Variants in RAP1GAP2 observed in about 807,000 individuals in gnomAD.
RAP1GAP2 encodes the protein rap1 GTPase-activating protein 2.
RAP1GAP2 carries 27 observed loss-of-function variants against 95.0 expected under a neutral mutation model. That is an observed-to-expected ratio of 0.28 (90% CI 0.21 to 0.39). RAP1GAP2 has a LOEUF of 0.39. Among genes scored for constraint, RAP1GAP2 ranks in the 10% least tolerant of loss-of-function variants. The probability of loss-of-function intolerance (pLI) is 1.00; values close to 1 mark genes in which losing one functional copy is unlikely to be tolerated. For synonymous variants in RAP1GAP2, 373 were observed against 380.9 expected, an observed-to-expected ratio of 0.98 and a Z score of 0.24; for missense variants, 771 against 970.0, an observed-to-expected ratio of 0.79 and a Z score of 2.72.
rs115445842 is a variant in RAP1GAP2, at chr17:2,866,400, T to C, written c.81-38884T>C. Among the ~76,000 whole-genome samples the C allele has an allele frequency of 0.014, 2,072 of 152,272 alleles. 39 individuals carry two copies. The highest frequency in any genetic ancestry group is 0.046 in the African/African-American group (1,932 of 41,556). On this transcript the variant is annotated intron_variant, in intron 2 of 24. Transcript: ENST00000254695. This position sits in a 1 kb window ranked among gnomAD's most constrained non-coding sequence, Gnocchi z 4.0. ...AGGCTTCCCTGCTCCCCGCCTCCCC[T>C]AGACTCAGGGCAGTTGGTACCCCAG...
intron 11 of RAP1GAP2, among the ~76,000 whole-genome samples, chr17:2,988,475 AGT>A (rs1449395706): frequency 6.6e-6 from 1 of 152,246 alleles, no homozygotes; most frequent in Non-Finnish European, 1.5e-5. Flanking sequence ...GTAGTCATAT[AGT>A]GTATAACCAC....
At chr17:2,991,506 A>T (rs1337235652) in intron 12 of RAP1GAP2, 109 bp downstream of exon 12, 45 of 801,858 alleles carry the variant, frequency 5.6e-5, no homozygotes, top group Non-Finnish European at 2.0e-6. Flanking sequence ...CACACAAGAA[A>T]TGAGGGATGG....
At chr17:2,936,764 C>T (rs1180758931) in intron 3 of RAP1GAP2, among the ~76,000 whole-genome samples, 2 of 152,268 alleles carry the variant, frequency 1.3e-5, no homozygotes, top group East Asian at 3.9e-4. Flanking sequence ...GGGAATAACT[C>T]TCTGGAAGTC....
intron 3 of RAP1GAP2, among the ~76,000 whole-genome samples, chr17:2,927,216 C>T (rs920129267): frequency 2.2e-4 from 33 of 151,238 alleles, no homozygotes; most frequent in Non-Finnish European, 3.0e-4. Flanking sequence ...TGCAGTGGCG[C>T]GATCTCGGCT....
chr17:2,896,956 CTCTG>C (rs781171248), intron 2 of RAP1GAP2, among the ~76,000 whole-genome samples: 2 of 152,218 alleles, frequency 1.3e-5, no homozygotes, highest in Non-Finnish European at 2.9e-5. Context: ...GCCTCCTGCT[CTCTG>C]TCTGCTCTAT....
At chr17:2,977,571 C>T (rs2045177613) in intron 8 of RAP1GAP2, among the ~76,000 whole-genome samples, 1 of 151,726 alleles carries the variant, frequency 6.6e-6, no homozygotes, top group Non-Finnish European at 1.5e-5. Flanking sequence ...ATGGTGAAAC[C>T]TCGTCTCTAC....
chr17:2,971,172 A>G (rs2044853201), intron 8 of RAP1GAP2, among the ~76,000 whole-genome samples: 1 of 152,224 alleles, frequency 6.6e-6, no homozygotes, highest in South Asian at 2.1e-4. Flanking sequence ...TCAGAGAGCA[A>G]GCTCTCTGCT....
rs2072115939 is a variant in RAP1GAP2 at position 2,855,936 on chromosome 17, ATAG to A, written c.81-49342_81-49340del. Among the ~76,000 whole-genome samples the A allele has an allele frequency of 6.6e-6, 1 of 152,240 alleles. No homozygotes were observed. Among genetic ancestry groups the A allele is most frequent in the Non-Finnish European group, 1.5e-5 (1 of 68,048 alleles). On this transcript the variant is annotated intron_variant, in intron 2 of 24. Transcript: ENST00000254695. This position sits in a 1 kb window ranked among gnomAD's most constrained non-coding sequence, Gnocchi z 4.3. The stretch of plus-strand genomic sequence containing the variant: ...GCTGAAGTGAATCTATTTAATAGAA[ATAG>A]TAGTAATAATAATACAAGTGTTAAC...
intron 2 of RAP1GAP2, among the ~76,000 whole-genome samples, chr17:2,832,557 C>CAAAA (rs35663343): frequency 1.3e-5 from 1 of 76,754 alleles, no homozygotes; most frequent in African/African-American, 5.4e-5. Context: ...GACTCCATCT[C>CAAAA]AAAAAAAAAA....
chr17:2,981,027 C>T (rs1480338431), intron 9 of RAP1GAP2, among the ~76,000 whole-genome samples, 168 bp from the exon 10 acceptor site: 4 of 152,128 alleles, frequency 2.6e-5, no homozygotes, highest in African/African-American at 9.7e-5. Flanking sequence ...CCAGAAAGGG[C>T]GGTTGACTTG....
chr17:2,759,565 C>T (rs1196906503), intron 1 of RAP1GAP2, among the ~76,000 whole-genome samples: 1 of 152,224 alleles, frequency 6.6e-6, no homozygotes, highest in Non-Finnish European at 1.5e-5. Context: ...ATTCTCCTGC[C>T]TCAGCCCCCG....
intron 2 of RAP1GAP2, among the ~76,000 whole-genome samples, chr17:2,804,360 AATCCTCTCTGC>A (rs749762352): frequency 6.6e-6 from 1 of 152,228 alleles, no homozygotes; most frequent in Non-Finnish European, 1.5e-5. Flanking sequence ...AGCAGGCACC[AATCCTCTCTGC>A]ATTTTACAGA....
At chr17:2,795,614 G>A (rs115564834), upstream of RAP1GAP2, among the ~76,000 whole-genome samples, 816 of 152,304 alleles carry the variant, frequency 5.4e-3, 6 homozygotes, top group African/African-American at 0.019. Flanking sequence ...CGGCTGACAG[G>A]TACAGCTCTG....
At chr17:2,889,889 A>ATATATATATATATTT (rs1408426152) in intron 2 of RAP1GAP2, among the ~76,000 whole-genome samples, 23 of 57,302 alleles carry the variant, frequency 4.0e-4, no homozygotes, top group African/African-American at 8.7e-4. Context: ...ATATATATAT[A>ATATATATATATATTT]TTTTTTTTTT....
At chr17:2,770,077 CAAAA>C (rs533020473) in intron 1 of RAP1GAP2, among the ~76,000 whole-genome samples, 3 of 98,142 alleles carry the variant, frequency 3.1e-5, no homozygotes, top group African/African-American at 1.1e-4. Context: ...GGTCTCAAAA[CAAAA>C]AAAAAAAAAA....
At position 3,029,829 on chromosome 17, in the gene RAP1GAP2, A is replaced by G. The variant is rs9904312; in HGVS notation, c.2108-1093A>G. Among the ~76,000 whole-genome samples the G allele has an allele frequency of 0.68, 102,625 of 151,686 alleles. 34,855 individuals carry two copies. The highest frequency in any genetic ancestry group is 0.9 in the East Asian group (4,646 of 5,166). On this transcript the variant is annotated intron_variant, in intron 22 of 24. Transcript: ENST00000254695. The surrounding 1 kb of genome is among the most constrained non-coding windows in gnomAD (Gnocchi z 4.4). ...CACACACTTAACGGAATTTTATTATACGATGGATGTCAAACCCAGTGTACA... is the reference window on the plus strand; with the variant it reads ...CACACACTTAACGGAATTTTATTATGCGATGGATGTCAAACCCAGTGTACA...
intron 2 of RAP1GAP2, among the ~76,000 whole-genome samples, chr17:2,876,055 A>C (rs1435866834): frequency 1.3e-5 from 2 of 151,106 alleles, no homozygotes; most frequent in Non-Finnish European, 2.9e-5. Flanking sequence ...CTCCTGCCTC[A>C]GCCTCCCGAG....
rs2047467658 is a variant in RAP1GAP2, at chr17:3,036,416, G to A, written c.*3055G>A. ...GTGGCTGCGTTTCCTGGGGCCCTGG[G>A]TTTTGGGGAAGCCAGTTAGCTGCTG... On this transcript the variant is annotated 3_prime_UTR_variant, in exon 25 of 25. Coordinates refer to ENST00000254695, the MANE Select transcript of RAP1GAP2 (RefSeq NM_015085.5). The A allele has an allele frequency of 1.3e-5, 2 of 152,298 alleles. No homozygotes were observed. The highest frequency in any genetic ancestry group is 4.8e-5 in the African/African-American group (2 of 41,446). The allele number at this position is 152,298 out of a possible 1,614,324, so 9.4% of individuals were successfully genotyped here.
At chr17:2,883,751 A>G (rs969797850) in intron 2 of RAP1GAP2, among the ~76,000 whole-genome samples, 6 of 152,146 alleles carry the variant, frequency 3.9e-5, no homozygotes, top group Admixed American at 3.3e-4. Context: ...TGGCCGCAGG[A>G]TGATTGGCAG....
Sources: allele counts gnomAD v4.1 joint callset (sites outside exome capture counted in the v4.1 genomes callset), GRCh38; gene constraint gnomAD v4.1.1; non-coding constraint Gnocchi (gnomAD v3.1); transcripts MANE v1.5; gene names NCBI Gene and HGNC (gene_info 2026-07-23, HGNC 2026-07-21).